The following ZNF462 variants were observed in gnomAD, a reference collection of about 807,000 sequenced individuals.
The protein encoded by ZNF462 is zinc finger protein 462.
A neutral mutation model predicts 201.9 loss-of-function variants in ZNF462; 10 were observed. The ratio of observed to expected loss-of-function variants is 0.05; its 90% CI spans 0.03 to 0.08. The LOEUF (loss-of-function observed/expected upper bound fraction) is 0.08. Among genes scored for constraint, ZNF462 ranks in the 10% least tolerant of loss-of-function variants. ZNF462 has a pLI of 1.00. For synonymous variants in ZNF462, 1,227 were observed against 1,193.3 expected (o/e 1.03, Z -0.58); for missense variants, 2,523 against 3,168.3 (o/e 0.80, Z 4.89).
At chr9:106,980,003 A>G (rs1231220617) in intron 9 of ZNF462, among the ~76,000 whole-genome samples, 1 of 152,176 alleles carries the variant, frequency 6.6e-6, no homozygotes, top group Non-Finnish European at 1.5e-5. Flanking sequence ...AATTTATCTG[A>G]TCAGTGTCAT....
intron 6 of ZNF462, among the ~76,000 whole-genome samples, chr9:106,936,770 C>G (rs372662333): frequency 6.6e-6 from 1 of 152,130 alleles, no homozygotes; most frequent in Non-Finnish European, 1.5e-5. Flanking sequence ...CTTTTACCAG[C>G]GAGAGCTGGG....
chr9:106,965,013 G>A (rs909536179), intron 7 of ZNF462, among the ~76,000 whole-genome samples: 6 of 152,058 alleles, frequency 3.9e-5, no homozygotes, highest in African/African-American at 1.4e-4. Flanking sequence ...AGGAGGACTT[G>A]TAAATGTAAT....
rs1038033011 is a variant in ZNF462, at chr9:106,883,184, G to A, written c.-31+19829G>A. On this transcript the variant is annotated intron_variant, in intron 1 of 12. Transcript: ENST00000277225. The surrounding 1 kb of genome is among the most constrained non-coding windows in gnomAD (Gnocchi z 4.9). The stretch of plus-strand genomic sequence containing the variant: ...ACCTCACTGAAGGACATATTCTGAA[G>A]AGCCAGCTCATTAAGCAAGCTTTTG... Among the ~76,000 whole-genome samples the A allele has an allele frequency of 2.6e-5, 4 of 152,226 alleles. No individual in the cohort carries two copies. The highest frequency in any genetic ancestry group is 4.4e-5 in the Non-Finnish European group (3 of 68,040).
chr9:106,869,641 C>T (rs2130814740), intron 1 of ZNF462, among the ~76,000 whole-genome samples: 1 of 152,272 alleles, frequency 6.6e-6, no homozygotes, highest in African/African-American at 2.4e-5. Flanking sequence ...AACAGTTGAA[C>T]CTCAGTGTGG....
intron 1 of ZNF462, among the ~76,000 whole-genome samples, chr9:106,871,386 G>T (rs1450599457): frequency 6.6e-6 from 1 of 152,220 alleles, no homozygotes; most frequent in Non-Finnish European, 1.5e-5. Context: ...AAGCATTGCT[G>T]TAATTTTATA....
intron 7 of ZNF462, among the ~76,000 whole-genome samples, chr9:106,948,942 A>C (rs1258770701): frequency 6.6e-6 from 1 of 152,130 alleles, no homozygotes; most frequent in Admixed American, 6.5e-5. Flanking sequence ...AAAATTCATT[A>C]ATTTTATCTT....
At chr9:106,921,925 T>C (rs970778637) in intron 1 of ZNF462, among the ~76,000 whole-genome samples, 13 of 152,098 alleles carry the variant, frequency 8.5e-5, no homozygotes, top group African/African-American at 2.2e-4. Context: ...AAAGGATAAA[T>C]TGCTGGGTGA....
chr9:106,929,720 A>G lies in ZNF462; in HGVS notation c.5808A>G (p.Lys1936=), dbSNP rs1830347544. Residue 1936 remains lysine (K), a synonymous_variant, in exon 3 of 13, where the codon AAA becomes AAG. Coordinates refer to ENST00000277225, the MANE Select transcript of ZNF462 (RefSeq NM_021224.6). The surrounding 1 kb of genome is among the most constrained non-coding windows in gnomAD (Gnocchi z 8.7). The part of the protein sequence containing the change: ...ERRKQLLSKQ[K]YADGAFADFK... Reference sequence around the variant, plus strand: ...GGAAACAGCTTTTGAGCAAGCAGAAATATGCAGATGGTGCTTTTGCAGATT... The same window carrying G: ...GGAAACAGCTTTTGAGCAAGCAGAAGTATGCAGATGGTGCTTTTGCAGATT... The G allele has an allele frequency of 1.2e-6, 2 of 1,614,120 alleles. No homozygotes were observed. Among genetic ancestry groups the G allele is most frequent in the East Asian group, 4.5e-5 (2 of 44,860 alleles).
Position 106,935,658 on chromosome 9 carries a change from A to T in ZNF462, c.6235+37A>T. 6.5e-7 allele frequency: 1 copy of T among 1,543,978 alleles called. No individual in the cohort carries two copies. Among genetic ancestry groups the T allele is most frequent in the Non-Finnish European group, 9.0e-7 (1 of 1,117,124 alleles). ...ATTGATGATGCACAAGTTCTTTAGC[A>T]CTCTCTGAGTTTGAAACCTGATGAT... On this transcript the variant is annotated intron_variant, in intron 6 of 12. Coordinates refer to ENST00000277225, the MANE Select transcript of ZNF462 (RefSeq NM_021224.6). The surrounding 1 kb of genome is among the most constrained non-coding windows in gnomAD (Gnocchi z 4.1).
rs139551032 is a variant in ZNF462, at chr9:106,951,623, C to T, written c.6427+12516C>T. Among the ~76,000 whole-genome samples the T allele has an allele frequency of 4.4e-3, 663 of 152,262 alleles. 17 individuals carry two copies. Among genetic ancestry groups the T allele is most frequent in the Non-Finnish European group, 6.6e-4 (45 of 68,024 alleles). ...TACTGAGAGCAGCCCAGCCGCACAG[C>T]ACTAGCCCAGGCAGAGCAGCTTTCA... On this transcript the variant is annotated intron_variant, in intron 7 of 12. Coordinates refer to ENST00000277225, the MANE Select transcript of ZNF462 (RefSeq NM_021224.6).
Position 106,972,713 on chromosome 9 carries a change from C to A in ZNF462, c.6695+441C>A, listed in dbSNP as rs570383217. On this transcript the variant is annotated intron_variant, in intron 8 of 12. Transcript: ENST00000277225. This position sits in a 1 kb window ranked among gnomAD's most constrained non-coding sequence, Gnocchi z 4.8. ...TAGAAAATTCTTTAATTCTTAAGAT[C>A]GTAGTATTGAAAGACACATAGAGAA... is the stretch of plus-strand genomic sequence containing the variant. Among the ~76,000 whole-genome samples the A allele has an allele frequency of 6.6e-6, 1 of 152,110 alleles. No individual in the cohort carries two copies. Among genetic ancestry groups the A allele is most frequent in the Admixed American group, 6.5e-5 (1 of 15,278 alleles).
intron 7 of ZNF462, among the ~76,000 whole-genome samples, chr9:106,940,256 T>C (rs1830811419): frequency 6.6e-6 from 1 of 152,174 alleles, no homozygotes; most frequent in South Asian, 2.1e-4. Flanking sequence ...CTCTGACACA[T>C]AGTAGGAATT....
chr9:106,989,350 G>A (rs1383221254), intron 10 of ZNF462, among the ~76,000 whole-genome samples: 5 of 151,982 alleles, frequency 3.3e-5, no homozygotes, highest in African/African-American at 9.7e-5. Context: ...TTATTGACTC[G>A]TGTACGTTAA....
At chr9:106,879,446 C>G (rs1314799366) in intron 1 of ZNF462, among the ~76,000 whole-genome samples, 1 of 150,196 alleles carries the variant, frequency 6.7e-6, no homozygotes, top group Non-Finnish European at 1.5e-5. Context: ...ATTTTTCTGC[C>G]TCTTTTGGAA....
At chr9:106,940,702 TCTCCTTA>T (rs1830830321) in intron 7 of ZNF462, among the ~76,000 whole-genome samples, 3 of 152,050 alleles carry the variant, frequency 2.0e-5, no homozygotes, top group Non-Finnish European at 4.4e-5. Flanking sequence ...GACCACACAA[TCTCCTTA>T]GCTACTGTGT....
intron 10 of ZNF462, among the ~76,000 whole-genome samples, chr9:106,985,680 T>C (rs528367941): frequency 6.6e-6 from 1 of 152,210 alleles, no homozygotes; most frequent in African/African-American, 2.4e-5. Flanking sequence ...TTGCTCTGTA[T>C]CCTCATGAGT....
chr9:106,987,831 A>C lies in ZNF462; in HGVS notation c.7056+3422A>C, dbSNP rs923284648. On this transcript the variant is annotated intron_variant, in intron 10 of 12. Transcript: ENST00000277225. The stretch of plus-strand genomic sequence containing the variant: ...TAAGTCCTTAATCCATCTTGAGTTG[A>C]TTTTTGTATAAAGTGAGAGATGAGG... 3.3e-5 allele frequency among the ~76,000 whole-genome samples: 5 copies of C among 152,098 alleles called. No individual in the cohort carries two copies. In the East Asian group the frequency reaches 9.6e-4, roughly 29 times the overall value.
Position 106,885,537 on chromosome 9 carries a change from A to T in ZNF462, c.-31+22182A>T, listed in dbSNP as rs1399578739. Among the ~76,000 whole-genome samples the T allele has an allele frequency of 1.3e-5, 2 of 152,166 alleles. No homozygotes were observed. Among genetic ancestry groups the T allele is most frequent in the African/African-American group, 2.4e-5 (1 of 41,430 alleles). The stretch of plus-strand genomic sequence containing the variant: ...TATTTTGAGGAGTTGGACACTACCT[A>T]CTAGGTTCCTAATGCTTACCCAAGT... On this transcript the variant is annotated intron_variant, in intron 1 of 12. Coordinates refer to ENST00000277225, the MANE Select transcript of ZNF462 (RefSeq NM_021224.6). The surrounding 1 kb of genome is among the most constrained non-coding windows in gnomAD (Gnocchi z 4.1).
chr9:106,879,651 A>G (rs2130919681), intron 1 of ZNF462, among the ~76,000 whole-genome samples: 1 of 152,188 alleles, frequency 6.6e-6, no homozygotes, highest in East Asian at 1.9e-4. Context: ...GCCTGCAATC[A>G]TCTCGGAACA....
Sources: allele counts gnomAD v4.1 joint callset (sites outside exome capture counted in the v4.1 genomes callset), GRCh38; gene constraint gnomAD v4.1.1; non-coding constraint Gnocchi (gnomAD v3.1); transcripts MANE v1.5; gene names NCBI Gene and HGNC (gene_info 2026-07-23, HGNC 2026-07-21).